Variants in WWC1 observed in about 807,000 individuals in gnomAD.
WWC1 encodes protein KIBRA.
WWC1 carries 55 observed loss-of-function variants against 138.4 expected under a neutral mutation model. That is an observed-to-expected ratio of 0.40 (90% CI 0.32 to 0.50). WWC1 has a LOEUF of 0.50. WWC1 is among the 20% of genes least tolerant of loss of function. WWC1 has a pLI of 0.72. For synonymous variants in WWC1, 524 were observed against 564.9 expected, an observed-to-expected ratio of 0.93 and a Z score of 1.03; for missense variants, 1,226 against 1,420.4, an observed-to-expected ratio of 0.86 and a Z score of 2.20.
At chr5:168,419,952 G>C (rs1407495792) in intron 9 of WWC1, among the ~76,000 whole-genome samples, 2 of 152,188 alleles carry the variant, frequency 1.3e-5, no homozygotes, top group Non-Finnish European at 2.9e-5. Flanking sequence ...TGTCAGGCAT[G>C]CCTGGGTGAA....
At chr5:168,374,065 G>A (rs76369595) in intron 2 of WWC1, among the ~76,000 whole-genome samples, 4,899 of 118,532 alleles carry the variant, frequency 0.041, 338 homozygotes, top group African/African-American at 0.14. Context: ...AAAAAAAAAA[G>A]AGAGAGAGGT....
chr5:168,319,748 C>G (rs72822616), intron 1 of WWC1, among the ~76,000 whole-genome samples: 17,004 of 152,176 alleles, frequency 0.11, 1,307 homozygotes, highest in Non-Finnish European at 0.15. Flanking sequence ...GCAGTCCGCC[C>G]ACCTTGGCCT....
chr5:168,354,050 T>C (rs1322546686), intron 1 of WWC1, among the ~76,000 whole-genome samples: 1 of 152,088 alleles, frequency 6.6e-6, no homozygotes, highest in Non-Finnish European at 1.5e-5. Context: ...TTTTTCTTTT[T>C]TTCTTTCTTT....
intron 15 of WWC1, 119 bp from the exon 16 acceptor site, chr5:168,441,563 G>A (rs934935038): frequency 1.0e-6 from 1 of 964,326 alleles, no homozygotes; most frequent in Non-Finnish European, 1.5e-6. Flanking sequence ...TTCCTGCCGG[G>A]ATGCCTACCT....
intron 3 of WWC1, among the ~76,000 whole-genome samples, chr5:168,390,490 G>A (rs1238215349): frequency 6.6e-6 from 1 of 152,160 alleles, no homozygotes; most frequent in Non-Finnish European, 1.5e-5. Flanking sequence ...AGGGACTAGG[G>A]TCATTTCAGG....
intron 1 of WWC1, among the ~76,000 whole-genome samples, chr5:168,341,118 C>T (rs1025410291): frequency 1.3e-5 from 2 of 152,108 alleles, no homozygotes; most frequent in African/African-American, 2.4e-5. Flanking sequence ...GCGCAATAAT[C>T]GAAGACACGG....
chr5:168,368,090 C>CTTTTTTTTTT (rs59582303), intron 1 of WWC1, among the ~76,000 whole-genome samples: 1 of 129,706 alleles, frequency 7.7e-6, no homozygotes. Flanking sequence ...AACACTTCAT[C>CTTTTTTTTTT]TTTTTTTTTT....
intron 1 of WWC1, among the ~76,000 whole-genome samples, chr5:168,305,462 A>G (rs1770470604): frequency 6.6e-6 from 1 of 152,194 alleles, no homozygotes; most frequent in Non-Finnish European, 1.5e-5. Flanking sequence ...ATAGAATGGC[A>G]TAATTTCCTG....
chr5:168,384,713 CTTTTTTTT>C (rs762052940), intron 2 of WWC1, among the ~76,000 whole-genome samples: 1 of 99,638 alleles, frequency 1.0e-5, no homozygotes, highest in African/African-American at 3.9e-5. Flanking sequence ...CTGGTTTATT[CTTTTTTTT>C]TTTTTTTTTT....
intron 1 of WWC1, among the ~76,000 whole-genome samples, chr5:168,332,279 C>CATTTCATT (rs1773094618): frequency 6.6e-6 from 1 of 152,158 alleles, no homozygotes; most frequent in African/African-American, 2.4e-5. Context: ...ATAGTTCATT[C>CATTTCATT]ATTTCATTTA....
chr5:168,294,868 C>T (rs1023702011), intron 1 of WWC1, among the ~76,000 whole-genome samples: 11 of 152,136 alleles, frequency 7.2e-5, no homozygotes, highest in South Asian at 4.1e-4. Flanking sequence ...TCAGGCAATC[C>T]GCCCACCTCA....
In WWC1 at chr5:168,449,533, C is replaced by T. The variant is rs147484448; in HGVS notation, c.2526-4435C>T. On this transcript the variant is annotated intron_variant, in intron 17 of 22. Transcript: ENST00000265293. ...TTCTACAGAGGGCTTTGTGGAGGGG[C>T]TCCCTGTCTCCCTGTGTGTTCACAT... Among the ~76,000 whole-genome samples, 777 of 150,100 alleles carry T rather than the reference C, an allele frequency of 5.2e-3. 1 individual carries two copies. Among genetic ancestry groups the T allele is most frequent in the Non-Finnish European group, 8.7e-3 (590 of 67,738 alleles).
chr5:168,412,091 T>C (rs1053893717), intron 8 of WWC1: 15 of 985,374 alleles, frequency 1.5e-5, no homozygotes, highest in Non-Finnish European at 1.7e-5. Context: ...CTCTGAACCT[T>C]GGATCTGTTC....
chr5:168,391,419 G>A lies in WWC1; in HGVS notation c.433+6005G>A, dbSNP rs191833087. Among the ~76,000 whole-genome samples the A allele has an allele frequency of 5.3e-3, 813 of 152,214 alleles. 5 individuals carry two copies. Among genetic ancestry groups the A allele is most frequent in the African/African-American group, 0.018 (754 of 41,532 alleles). Reference sequence around the variant, plus strand: ...CTCACGCCTGTAATCCCAGCACTTCGGGAGGCCGAGGCAGGCAGATCACGA... The same window carrying A: ...CTCACGCCTGTAATCCCAGCACTTCAGGAGGCCGAGGCAGGCAGATCACGA... On this transcript the variant is annotated intron_variant, in intron 3 of 22. Transcript: ENST00000265293.
In WWC1 at chr5:168,467,641, T is replaced by A; in HGVS notation, c.3151-199T>A. Reference sequence around the variant, plus strand: ...TTCCTCAGATCCACAGTTATTCCGTTTCCTGGCCCCAAAAATCTAGTCACT... The same window carrying A: ...TTCCTCAGATCCACAGTTATTCCGTATCCTGGCCCCAAAAATCTAGTCACT... On this transcript the variant is annotated intron_variant, in intron 21 of 22. Transcript: ENST00000265293. 3 of 739,212 alleles carry A rather than the reference T, an allele frequency of 4.1e-6. No homozygotes were observed. The South Asian group carries it at 6.6e-5, about 16-fold the overall frequency. The allele number at this position is 739,212 out of a possible 1,614,324, so 45.8% of individuals were successfully genotyped here.
intron 3 of WWC1, 68 bp downstream of exon 3, chr5:168,385,482 A>G: frequency 7.9e-6 from 12 of 1,514,826 alleles, no homozygotes; most frequent in South Asian, 2.4e-5. Flanking sequence ...AGTTCTGCCA[A>G]TATTGCTTCT....
intron 21 of WWC1, among the ~76,000 whole-genome samples, chr5:168,466,841 C>T (rs967092166): frequency 1.7e-4 from 26 of 151,926 alleles, no homozygotes; most frequent in Non-Finnish European, 3.1e-4. Flanking sequence ...AACACTTGAT[C>T]TTATTCGAAA....
chr5:168,467,995 C>T (rs765887731), intron 22 of WWC1, 31 bp downstream of exon 22: 27 of 1,612,668 alleles, frequency 1.7e-5, no homozygotes, highest in Admixed American at 1.2e-4. Flanking sequence ...GCCCCCCATC[C>T]CTTTCTCAGC....
chr5:168,344,328 C>T (rs1214211932), intron 1 of WWC1, among the ~76,000 whole-genome samples: 1 of 152,188 alleles, frequency 6.6e-6, no homozygotes, highest in Non-Finnish European at 1.5e-5. Flanking sequence ...GGGTAGCCCA[C>T]AGGAAAGAAC....
Sources: allele counts gnomAD v4.1 joint callset (sites outside exome capture counted in the v4.1 genomes callset), GRCh38; gene constraint gnomAD v4.1.1; transcripts MANE v1.5; gene names NCBI Gene and HGNC (gene_info 2026-07-23, HGNC 2026-07-21).